The following ARMC9 variants were observed in gnomAD, a reference collection of about 807,000 sequenced individuals.
ARMC9 encodes the protein armadillo repeat containing 9.
In ARMC9, 94 loss-of-function variants were observed where a neutral mutation model predicts 107.0. The observed-to-expected ratio is 0.88, with a 90% CI of 0.74 to 1.04. The LOEUF is 1.04. Among genes scored for constraint, ARMC9 ranks in the 50% least tolerant of loss-of-function variants. The probability of loss-of-function intolerance (pLI) is 0.00; values close to 1 mark genes in which losing one functional copy is unlikely to be tolerated. For synonymous variants in ARMC9, 380 were observed against 396.9 expected, an observed-to-expected ratio of 0.96 and a Z score of 0.51; for missense variants, 942 against 1,030.1, an observed-to-expected ratio of 0.91 and a Z score of 1.17.
chr2:231,228,660 T>G (rs567625055), intron 7 of ARMC9, among the ~76,000 whole-genome samples: 1 of 152,330 alleles, frequency 6.6e-6, no homozygotes, highest in East Asian at 1.9e-4. Flanking sequence ...GAAAGGAAAT[T>G]ACATTCCTCT....
At chr2:231,241,798 G>A (rs1223797024) in intron 9 of ARMC9, among the ~76,000 whole-genome samples, 1 of 152,042 alleles carries the variant, frequency 6.6e-6, no homozygotes, top group East Asian at 1.9e-4. Context: ...GCTAAGGCTG[G>A]TACAAAAAAT....
rs191728951 is a variant in ARMC9, at chr2:231,328,367, T to C, written c.1774-3426T>C. 4.6e-5 allele frequency among the ~76,000 whole-genome samples: 7 copies of C among 152,326 alleles called. No individual in the cohort carries two copies. In the East Asian group the frequency reaches 1.2e-3, roughly 25 times the overall value. On this transcript the variant is annotated intron_variant, in intron 19 of 24. Coordinates refer to ENST00000611582, the MANE Select transcript of ARMC9 (RefSeq NM_001352754.2). ...GTCTATAACTTTCCTTTTTATCTTC[T>C]TAACAGCGTCTTTTCACCGAACAAG...
At chr2:231,235,860 T>C (rs1349675159) in intron 8 of ARMC9, among the ~76,000 whole-genome samples, 1 of 152,244 alleles carries the variant, frequency 6.6e-6, no homozygotes, top group East Asian at 1.9e-4. Context: ...CAGGCTGGTC[T>C]CGAACTCCTG....
intron 9 of ARMC9, among the ~76,000 whole-genome samples, chr2:231,249,395 A>G (rs753518966): frequency 1.3e-5 from 2 of 152,030 alleles, no homozygotes; most frequent in Non-Finnish European, 2.9e-5. Flanking sequence ...GATCGGACCC[A>G]GGAACACTTT....
chr2:231,293,418 C>G (rs762202350), intron 18 of ARMC9, among the ~76,000 whole-genome samples: 3 of 152,174 alleles, frequency 2.0e-5, no homozygotes. Flanking sequence ...GCCTGAGAAT[C>G]TTCTTCAAGG....
At chr2:231,317,877 T>C (rs1248645027) in intron 19 of ARMC9, among the ~76,000 whole-genome samples, 1 of 152,132 alleles carries the variant, frequency 6.6e-6, no homozygotes, top group Non-Finnish European at 1.5e-5. Context: ...GATTTCCCGT[T>C]TTTCACTGAT....
intron 1 of ARMC9, among the ~76,000 whole-genome samples, chr2:231,200,669 A>G (rs1006631734): frequency 1.7e-4 from 21 of 124,248 alleles, no homozygotes; most frequent in African/African-American, 7.4e-4. Flanking sequence ...GTGAAACTCC[A>G]TCTCAAAACA....
chr2:231,234,268 A>G (rs1198699280), intron 7 of ARMC9, among the ~76,000 whole-genome samples: 1 of 152,182 alleles, frequency 6.6e-6, no homozygotes, highest in Non-Finnish European at 1.5e-5. Flanking sequence ...GGATTTGCCT[A>G]TTCCTGCCGA....
intron 12 of ARMC9, among the ~76,000 whole-genome samples, chr2:231,269,429 T>C (rs747146377): frequency 1.3e-3 from 182 of 140,762 alleles, no homozygotes; most frequent in Non-Finnish European, 2.3e-3. Flanking sequence ...TGAGACAGTC[T>C]CACTCTGCTG....
In ARMC9 at chr2:231,275,791, T is replaced by C. The variant is rs1043065711; in HGVS notation, c.1335-845T>C. Among the ~76,000 whole-genome samples the C allele has an allele frequency of 5.3e-5, 8 of 152,128 alleles. 1 individual carries two copies. The highest frequency in any genetic ancestry group is 7.4e-5 in the Non-Finnish European group (5 of 68,014). Reference sequence around the variant, plus strand: ...CAACATGAAGAAACCCTAGCTCTACTAAAAATACAAAATTAGCTGGGTGTG... The same window carrying C: ...CAACATGAAGAAACCCTAGCTCTACCAAAAATACAAAATTAGCTGGGTGTG... On this transcript the variant is annotated intron_variant, in intron 14 of 24. Transcript: ENST00000611582.
chr2:231,318,620 T>C (rs1251782762), intron 19 of ARMC9, among the ~76,000 whole-genome samples: 1 of 152,110 alleles, frequency 6.6e-6, no homozygotes, highest in East Asian at 1.9e-4. Flanking sequence ...TGGGAACGCC[T>C]CCAGGCAGGA....
At chr2:231,256,042 A>AAAAAAC (rs1262275982) in intron 9 of ARMC9, 16 of 1,498,908 alleles carry the variant, frequency 1.1e-5, no homozygotes, top group East Asian at 2.5e-5. Flanking sequence ...TCAGTCTCAA[A>AAAAAAC]AAAAACAAAA....
At chr2:231,217,827 G>C (rs976907969) in intron 5 of ARMC9, among the ~76,000 whole-genome samples, 1 of 152,056 alleles carries the variant, frequency 6.6e-6, no homozygotes, top group Non-Finnish European at 1.5e-5. Flanking sequence ...AGTTTAGCTG[G>C]AGCTACAGGT....
Position 231,239,972 on chromosome 2 carries a change from T to G in ARMC9, c.810T>G (p.Cys270Trp), listed in dbSNP as rs763910235. Reference protein sequence around the residue: ...MITPEYLQSVCVRLFSNQMRQ... With the variant: ...MITPEYLQSVWVRLFSNQMRQ... ...CCCCTGAGTACCTCCAGAGCGTCTG[T>G]GTCCGCCTGTTCAGTAACCAGATGC... The change falls in exon 9 of 25, where the codon TGT becomes TGG. Residue 270 changes from cysteine to tryptophan, a missense_variant. By Grantham distance (215) the Cys-to-Trp change is radical. Transcript: ENST00000611582. The G allele has an allele frequency of 1.9e-6, 3 of 1,614,128 alleles. No homozygotes were observed. The highest frequency in any genetic ancestry group is 2.5e-6 in the Non-Finnish European group (3 of 1,180,006).
chr2:231,254,552 C>T (rs1309581046), intron 9 of ARMC9, among the ~76,000 whole-genome samples: 4 of 151,392 alleles, frequency 2.6e-5, no homozygotes, highest in Non-Finnish European at 4.4e-5. Context: ...AGCATGGTGG[C>T]GCACACCCGT....
intron 6 of ARMC9, among the ~76,000 whole-genome samples, chr2:231,225,915 G>A (rs1425726950): frequency 6.6e-6 from 1 of 152,224 alleles, no homozygotes; most frequent in Non-Finnish European, 1.5e-5. Context: ...GGAGTGAAAT[G>A]GCGTGATCTT....
chr2:231,232,025 C>CTTT (rs575702443), intron 7 of ARMC9, among the ~76,000 whole-genome samples: 12 of 121,614 alleles, frequency 9.9e-5, no homozygotes, highest in East Asian at 2.4e-4. Context: ...TAACACATTC[C>CTTT]TTTTTTTTTT....
chr2:231,305,570 G>A (rs1186645104), intron 19 of ARMC9, among the ~76,000 whole-genome samples: 1 of 152,122 alleles, frequency 6.6e-6, no homozygotes. Flanking sequence ...TTGTTTCATT[G>A]GAAAGTGACA....
At chr2:231,226,632 C>G in intron 6 of ARMC9, 142 bp from the exon 7 acceptor site, 1 of 943,876 alleles carries the variant, frequency 1.1e-6, no homozygotes, top group Non-Finnish European at 1.7e-6. Flanking sequence ...CTATTTACAG[C>G]AACAGTTGGA....
Sources: allele counts gnomAD v4.1 joint callset (sites outside exome capture counted in the v4.1 genomes callset), GRCh38; gene constraint gnomAD v4.1.1; transcripts MANE v1.5; gene names NCBI Gene and HGNC (gene_info 2026-07-23, HGNC 2026-07-21).